Variants in ADTRP observed in about 807,000 individuals in gnomAD.
The protein encoded by ADTRP is androgen dependent TFPI regulating protein, also known as androgen-dependent TFPI-regulating protein.
ADTRP carries 20 observed loss-of-function variants against 27.0 expected under a neutral mutation model. The ratio of observed to expected loss-of-function variants is 0.74; its 90% CI spans 0.52 to 1.08. ADTRP has a LOEUF of 1.08. Among genes scored for constraint, ADTRP ranks in the 50% least tolerant of loss-of-function variants. The probability of loss-of-function intolerance (pLI) is 0.00; values close to 1 mark genes in which losing one functional copy is unlikely to be tolerated. For synonymous variants in ADTRP, 101 were observed against 105.2 expected, an observed-to-expected ratio of 0.96 and a Z score of 0.25; for missense variants, 251 against 275.0, an observed-to-expected ratio of 0.91 and a Z score of 0.62.
chr6:11,770,839 G>A (rs775732132), intron 1 of ADTRP, among the ~76,000 whole-genome samples: 4 of 152,270 alleles, frequency 2.6e-5, no homozygotes, highest in Non-Finnish European at 4.4e-5. Flanking sequence ...CGCTCAGGCC[G>A]CAGCAGGCCA....
intron 3 of ADTRP, among the ~76,000 whole-genome samples, chr6:11,750,539 T>G (rs767535247): frequency 6.6e-6 from 1 of 152,270 alleles, no homozygotes; most frequent in Non-Finnish European, 1.5e-5. Context: ...GCAGGCAATT[T>G]GAACACCTCA....
intron 3 of ADTRP, among the ~76,000 whole-genome samples, chr6:11,741,347 T>C (rs1310831682): frequency 1.3e-5 from 2 of 152,254 alleles, no homozygotes; most frequent in Non-Finnish European, 2.9e-5. Flanking sequence ...GACCCAGCTG[T>C]TCACTGTAAA....
intron 5 of ADTRP, among the ~76,000 whole-genome samples, chr6:11,722,842 A>T (rs2076187): frequency 6.6e-4 from 101 of 152,194 alleles, no homozygotes; most frequent in African/African-American, 2.1e-3. Context: ...ATGTGATTTC[A>T]TCTGGTAAAT....
At chr6:11,754,175 C>G (rs1274493179) in intron 3 of ADTRP, among the ~76,000 whole-genome samples, 1 of 152,204 alleles carries the variant, frequency 6.6e-6, no homozygotes, top group East Asian at 1.9e-4. Context: ...GTCCCCCTGT[C>G]TCTCACATGG....
chr6:11,744,200 C>T (rs1554113634), intron 3 of ADTRP, among the ~76,000 whole-genome samples: 1 of 152,188 alleles, frequency 6.6e-6, no homozygotes, highest in Non-Finnish European at 1.5e-5. Flanking sequence ...TGTGACATGA[C>T]ATCTCCCTTG....
At position 11,744,035 on chromosome 6, in the gene ADTRP, G is replaced by C. The variant is rs531179114; in HGVS notation, c.391-8352C>G. On this transcript the variant is annotated intron_variant, in intron 3 of 5. Transcript: ENST00000414691. ...TCCATTGTTAAAGATGGGGCCCAGTGGGAGGTGCTTGGGCCATGGGGGTGG... is the reference window on the plus strand; with the variant it reads ...TCCATTGTTAAAGATGGGGCCCAGTCGGAGGTGCTTGGGCCATGGGGGTGG... Among the ~76,000 whole-genome samples, 3 of 152,342 alleles carry C rather than the reference G, an allele frequency of 2.0e-5. No individual in the cohort carries two copies. The East Asian group carries it at 5.8e-4, about 29-fold the overall frequency.
intron 3 of ADTRP, among the ~76,000 whole-genome samples, chr6:11,752,589 A>G (rs1350837823): frequency 1.3e-5 from 2 of 152,226 alleles, no homozygotes; most frequent in East Asian, 1.9e-4. Flanking sequence ...AAGCTGCTAC[A>G]AGTGTCAAAA....
intron 3 of ADTRP, among the ~76,000 whole-genome samples, chr6:11,741,958 G>C (rs1374870770): frequency 1.3e-5 from 2 of 152,020 alleles, no homozygotes; most frequent in Non-Finnish European, 2.9e-5. Context: ...TCCCATAGCT[G>C]CTTATTCTTT....
At chr6:11,749,025 G>A (rs1029914318) in intron 3 of ADTRP, among the ~76,000 whole-genome samples, 1 of 152,218 alleles carries the variant, frequency 6.6e-6, no homozygotes, top group South Asian at 2.1e-4. Context: ...GGTCTGTAGA[G>A]GCCTGAAAAT....
At chr6:11,732,088 G>A (rs1762408421) in intron 4 of ADTRP, among the ~76,000 whole-genome samples, 1 of 152,178 alleles carries the variant, frequency 6.6e-6, no homozygotes, top group Non-Finnish European at 1.5e-5. Context: ...GGAAATGAAA[G>A]CTTTGCAGTC....
chr6:11,715,320 C>T (rs1761775710), intron 5 of ADTRP, among the ~76,000 whole-genome samples: 1 of 152,160 alleles, frequency 6.6e-6, no homozygotes, highest in South Asian at 2.1e-4. Flanking sequence ...CTATCCTTAA[C>T]AGTAAACACT....
At chr6:11,769,825 T>C (rs1367470698) in intron 1 of ADTRP, among the ~76,000 whole-genome samples, 2 of 152,228 alleles carry the variant, frequency 1.3e-5, no homozygotes, top group African/African-American at 4.8e-5. Flanking sequence ...ATTTAATCTT[T>C]ATGTAGGCTA....
intron 3 of ADTRP, among the ~76,000 whole-genome samples, chr6:11,745,744 A>G: frequency 6.6e-6 from 1 of 152,334 alleles, no homozygotes; most frequent in Middle Eastern, 3.4e-3. Context: ...TATTAAAAAC[A>G]TATAACTACA....
chr6:11,735,654 A>G lies in ADTRP; in HGVS notation c.420T>C (p.Ala140=). 2 of 1,613,936 alleles carry G rather than the reference A, an allele frequency of 1.2e-6. No homozygotes were observed. The highest frequency in any genetic ancestry group is 1.7e-6 in the Non-Finnish European group (2 of 1,179,836). ...MHTFIFPITL[A]EVVLRPHSYP... ...AGGAGTGAGGCCTGAGGACGACTTC[A>G]GCCAATGTGATGGGGAATATGAAAG... is the stretch of plus-strand genomic sequence containing the variant. The change falls in exon 4 of 6, where the codon GCT becomes GCC. Residue 140 remains alanine, a synonymous_variant. Transcript: ENST00000414691.
intron 3 of ADTRP, among the ~76,000 whole-genome samples, chr6:11,754,529 C>T (rs1202957679): frequency 6.6e-6 from 1 of 152,158 alleles, no homozygotes; most frequent in East Asian, 1.9e-4. Context: ...AATACATGGG[C>T]AAGTGTAATT....
chr6:11,718,105 T>C (rs1363226019), intron 5 of ADTRP, among the ~76,000 whole-genome samples: 1 of 152,230 alleles, frequency 6.6e-6, no homozygotes, highest in Non-Finnish European at 1.5e-5. Flanking sequence ...AAAGTTTCCA[T>C]GTCATTCTGT....
chr6:11,766,322 GT>G lies in ADTRP; in HGVS notation c.341del (p.Tyr114SerfsTer5). On this transcript the variant is annotated frameshift_variant, in exon 3 of 6. Transcript: ENST00000414691. LOFTEE classifies it high-confidence loss of function. ...ILFLYNRDLIYPKVLDTVIPV... is the reference protein window; with the variant it reads ...ILFLYNRDLIXPKVLDTVIPV... ...GGATGACAGTATCTAGGACCTTGGG[GT>G]AAATGAGATCTCGATTGTAGAGAAA... The G allele has an allele frequency of 6.2e-7, 1 of 1,612,848 alleles. No individual in the cohort carries two copies. Among genetic ancestry groups the G allele is most frequent in the South Asian group, 1.1e-5 (1 of 90,834 alleles).
At chr6:11,715,516 CTG>C (rs564499664) in intron 5 of ADTRP, among the ~76,000 whole-genome samples, 1,885 of 152,180 alleles carry the variant, frequency 0.012, 46 homozygotes, top group African/African-American at 0.042. Flanking sequence ...GATCAAAACT[CTG>C]TCTTCTTCGT....
intron 5 of ADTRP, among the ~76,000 whole-genome samples, chr6:11,716,281 G>A (rs1761820936): frequency 6.6e-6 from 1 of 152,102 alleles, no homozygotes. Flanking sequence ...TCCACCCCAG[G>A]TGTTGAGGAC....
Sources: gnomAD v4.1 joint callset for allele counts (sites outside exome capture counted in the v4.1 genomes callset) on GRCh38, gnomAD v4.1.1 for gene constraint, MANE v1.5 for transcripts, NCBI Gene and HGNC (gene_info 2026-07-23, HGNC 2026-07-21) for gene names.